The following TYR variants were observed in gnomAD, a reference collection of about 807,000 sequenced individuals.
The protein encoded by TYR is tyrosinase.
A neutral mutation model predicts 51.5 loss-of-function variants in TYR; 58 were observed. The ratio of observed to expected loss-of-function variants is 1.13; its 90% CI spans 0.91 to 1.40. The LOEUF is 1.40. Among genes scored for constraint, TYR ranks in the 40% most tolerant of loss-of-function variants. The probability of loss-of-function intolerance (pLI) is 0.00; values close to 1 mark genes in which losing one functional copy is unlikely to be tolerated. For synonymous variants in TYR, 263 were observed against 235.2 expected, an observed-to-expected ratio of 1.12 and a Z score of -1.08; for missense variants, 732 against 647.4, an observed-to-expected ratio of 1.13 and a Z score of -1.42.
Position 89,231,565 on chromosome 11 carries a change from C to A in TYR, c.1184+3595C>A, listed in dbSNP as rs574710534. Among the ~76,000 whole-genome samples the A allele has an allele frequency of 2.1e-5, 3 of 143,176 alleles. No individual in the cohort carries two copies. In the East Asian group the frequency reaches 6.1e-4, roughly 29 times the overall value. 93.9% of individuals were successfully genotyped at this position (143,176 alleles called of 152,430 possible). On this transcript the variant is annotated intron_variant, in intron 3 of 4. Coordinates refer to ENST00000263321, the MANE Select transcript of TYR (RefSeq NM_000372.5). ...CACAAAGACAGAAACTGCATGGTCT[C>A]ACTTATTTGTGGAGTCAAAAGAAAA... is the stretch of plus-strand genomic sequence containing the variant.
At chr11:89,215,829 A>C (rs77999371) in intron 2 of TYR, among the ~76,000 whole-genome samples, 3,089 of 152,242 alleles carry the variant, frequency 0.02, 100 homozygotes, top group African/African-American at 0.069. Flanking sequence ...AAGACCCTCC[A>C]TAAGTCATTT....
chr11:89,271,178 T>C (rs566459893), intron 3 of TYR, among the ~76,000 whole-genome samples: 36 of 152,014 alleles, frequency 2.4e-4, no homozygotes, highest in Admixed American at 1.2e-3. Context: ...TACACGTTAC[T>C]CTAATTGATT....
At chr11:89,239,984 T>A (rs189824864) in intron 3 of TYR, among the ~76,000 whole-genome samples, 1 of 152,216 alleles carries the variant, frequency 6.6e-6, no homozygotes, top group Non-Finnish European at 1.5e-5. Flanking sequence ...ATAAACCATG[T>A]GTGTGACAAT....
intron 2 of TYR, among the ~76,000 whole-genome samples, chr11:89,223,679 C>T (rs902778519): frequency 4.6e-5 from 7 of 151,950 alleles, no homozygotes; most frequent in Admixed American, 6.6e-5. Context: ...TTTTGATTAT[C>T]GGAAATCAAA....
intron 3 of TYR, among the ~76,000 whole-genome samples, chr11:89,238,786 T>C (rs1318176905): frequency 1.3e-5 from 2 of 152,160 alleles, no homozygotes; most frequent in East Asian, 3.9e-4. Context: ...TTTTTGAGAG[T>C]ATTATCACAA....
rs956341401 is a variant in TYR at position 89,217,656 on chromosome 11, A to G, written c.1037-10167A>G. Among the ~76,000 whole-genome samples, 12 of 152,248 alleles carry G rather than the reference A, an allele frequency of 7.9e-5. No individual in the cohort carries two copies. In the East Asian group the frequency reaches 2.3e-3, roughly 29 times the overall value. ...GATGTGTCTTGGGTGTTTCTGTTTG[A>G]GTCTCTTCGTTGTTTTATTTTTCCC... On this transcript the variant is annotated intron_variant, in intron 2 of 4. Transcript: ENST00000263321.
rs547660571 is a variant in TYR at position 89,261,702 on chromosome 11, G to T, written c.1185-23071G>T. Among the ~76,000 whole-genome samples the T allele has an allele frequency of 2.6e-5, 4 of 152,140 alleles. No individual in the cohort carries two copies. In the East Asian group the frequency reaches 7.8e-4, roughly 30 times the overall value. ...CTTGCGCAATACTATATGCCAATGA[G>T]ACCTAACAGATATTTATAGAACACT... On this transcript the variant is annotated intron_variant, in intron 3 of 4. Transcript: ENST00000263321.
chr11:89,278,871 A>G (rs1944687953), intron 3 of TYR, among the ~76,000 whole-genome samples: 1 of 151,696 alleles, frequency 6.6e-6, no homozygotes, highest in Admixed American at 6.6e-5. Context: ...CTTGCCTGTG[A>G]TAGTTTTTCA....
intron 2 of TYR, among the ~76,000 whole-genome samples, chr11:89,225,237 C>G (rs1008765048): frequency 6.6e-6 from 1 of 151,806 alleles, no homozygotes; most frequent in Non-Finnish European, 1.5e-5. Context: ...CTAAATCAAG[C>G]TACTTAAAAT....
chr11:89,295,402 A>C lies in TYR; in HGVS notation c.*36A>C, dbSNP rs1288732353. The stretch of plus-strand genomic sequence containing the variant: ...CAATAGAGTAGGGCCAAAAAGCCTG[A>C]CCTCACTCTAACTCAAAGTAATGTC... On this transcript the variant is annotated 3_prime_UTR_variant, in exon 5 of 5. Coordinates refer to ENST00000263321, the MANE Select transcript of TYR (RefSeq NM_000372.5). The C allele has an allele frequency of 5.2e-6, 8 of 1,538,624 alleles. No homozygotes were observed. The highest frequency in any genetic ancestry group is 7.1e-6 in the Non-Finnish European group (8 of 1,123,240).
chr11:89,237,334 G>A (rs1944129992), intron 3 of TYR, among the ~76,000 whole-genome samples: 1 of 152,012 alleles, frequency 6.6e-6, no homozygotes, highest in African/African-American at 2.4e-5. Context: ...CACAGTTTCA[G>A]GTCTTACACT....
At chr11:89,247,326 AGTT>A (rs1944279548) in intron 3 of TYR, among the ~76,000 whole-genome samples, 1 of 152,134 alleles carries the variant, frequency 6.6e-6, no homozygotes. Context: ...TATTAGACTA[AGTT>A]GTTGTATAAT....
At chr11:89,218,322 A>G (rs1284179948) in intron 2 of TYR, among the ~76,000 whole-genome samples, 1 of 152,182 alleles carries the variant, frequency 6.6e-6, no homozygotes, top group East Asian at 1.9e-4. Flanking sequence ...ACATTTATAG[A>G]TACTTTGCAA....
intron 3 of TYR, among the ~76,000 whole-genome samples, chr11:89,250,141 A>C (rs1188204113): frequency 6.6e-6 from 1 of 152,040 alleles, no homozygotes; most frequent in African/African-American, 2.4e-5. Context: ...TATTTATGTC[A>C]TTAAATATAT....
At position 89,178,005 on chromosome 11, in the gene TYR, G is replaced by A. The variant is rs764170609; in HGVS notation, c.52G>A (p.Gly18Ser). 1.2e-6 allele frequency: 2 copies of A among 1,614,160 alleles called. No individual in the cohort carries two copies. The highest frequency in any genetic ancestry group is 1.7e-4 in the Middle Eastern group (1 of 6,058). ...CLLWSFQTSA[G>S]HFPRACVSSK... ...GCTGTGGAGTTTCCAGACCTCCGCT[G>A]GCCATTTCCCTAGAGCCTGTGTCTC... is the stretch of plus-strand genomic sequence containing the variant. The change falls in exon 1 of 5, where the codon GGC becomes AGC. Residue 18 changes from glycine to serine, a missense_variant. Coordinates refer to ENST00000263321, the MANE Select transcript of TYR (RefSeq NM_000372.5).
At chr11:89,242,575 G>C (rs1464449492) in intron 3 of TYR, among the ~76,000 whole-genome samples, 1 of 152,132 alleles carries the variant, frequency 6.6e-6, no homozygotes, top group African/African-American at 2.4e-5. Flanking sequence ...GTGGTCATTT[G>C]GATCTTGGAG....
Position 89,295,582 on chromosome 11 carries a change from C to T in TYR, c.*216C>T. 1 of 577,506 alleles carries T rather than the reference C, an allele frequency of 1.7e-6. No homozygotes were observed. Among genetic ancestry groups the T allele is most frequent in the East Asian group, 3.1e-5 (1 of 31,788 alleles). 35.8% of individuals were successfully genotyped at this position (577,506 alleles called of 1,614,324 possible). ...AGCCCTTTTAACATTTTCCCCTAAG[C>T]CCATATGTCTAAGGAAAGGATGCTA... On this transcript the variant is annotated 3_prime_UTR_variant, in exon 5 of 5. Transcript: ENST00000263321.
At chr11:89,236,263 A>ACC (rs1249422657) in intron 3 of TYR, among the ~76,000 whole-genome samples, 1 of 151,668 alleles carries the variant, frequency 6.6e-6, no homozygotes, top group African/African-American at 2.4e-5. Flanking sequence ...CACACCAGAC[A>ACC]AGAGAAAGAG....
chr11:89,292,094 C>T (rs115218139), intron 4 of TYR, among the ~76,000 whole-genome samples: 3,752 of 151,984 alleles, frequency 0.025, 151 homozygotes, highest in African/African-American at 0.086. Context: ...TTAAAAGGAA[C>T]TGTAAATACT....
Sources: gnomAD v4.1 joint callset for allele counts (sites outside exome capture counted in the v4.1 genomes callset) on GRCh38, gnomAD v4.1.1 for gene constraint, MANE v1.5 for transcripts, NCBI Gene and HGNC (gene_info 2026-07-23, HGNC 2026-07-21) for gene names.